The following ADGRV1 variants were observed in gnomAD, a reference collection of about 807,000 sequenced individuals.
ADGRV1 encodes adhesion G protein-coupled receptor V1.
ADGRV1 carries 359 observed loss-of-function variants against 596.2 expected under a neutral mutation model. The observed-to-expected ratio is 0.60, with a 90% CI of 0.55 to 0.66. ADGRV1 has a LOEUF of 0.66. Ranked by LOEUF, ADGRV1 falls within the 30% of genes least tolerant of loss-of-function variation. The probability of loss-of-function intolerance (pLI) is 0.00; values close to 1 mark genes in which losing one functional copy is unlikely to be tolerated. For synonymous variants in ADGRV1, 2,681 were observed against 2,679.2 expected (o/e 1.00, Z -0.02); for missense variants, 7,274 against 7,575.6 (o/e 0.96, Z 1.48).
chr5:91,000,274 G>A lies in ADGRV1; in HGVS notation c.18152+14752G>A, dbSNP rs367668807. ...ATTTTTTAATGGATTCACAATGTCT[G>A]TCTCATGATAGATTTATCAAACATG... is the stretch of plus-strand genomic sequence containing the variant. On this transcript the variant is annotated intron_variant, in intron 85 of 89. Transcript: ENST00000405460. Among the ~76,000 whole-genome samples the A allele has an allele frequency of 1.2e-3, 184 of 152,052 alleles. 1 individual carries two copies. The highest frequency in any genetic ancestry group is 4.3e-3 in the African/African-American group (180 of 41,498).
intron 1 of ADGRV1, among the ~76,000 whole-genome samples, chr5:90,607,963 T>A (rs1423388498): frequency 1.3e-5 from 2 of 152,104 alleles, no homozygotes; most frequent in East Asian, 1.9e-4. Context: ...AGATTTTTTT[T>A]AAAATCAGTA....
chr5:91,079,332 T>C (rs1789133091), intron 86 of ADGRV1, among the ~76,000 whole-genome samples: 1 of 152,182 alleles, frequency 6.6e-6, no homozygotes, highest in Non-Finnish European at 1.5e-5. Context: ...ATTTTGCCAA[T>C]AGTGGTGGGG....
chr5:90,692,017 C>G (rs1323292696), intron 31 of ADGRV1, among the ~76,000 whole-genome samples: 1 of 151,992 alleles, frequency 6.6e-6, no homozygotes, highest in Non-Finnish European at 1.5e-5. Context: ...AGCATTTATT[C>G]TTTAATAGTA....
intron 85 of ADGRV1, among the ~76,000 whole-genome samples, chr5:90,996,906 C>T (rs969260704): frequency 6.6e-6 from 1 of 152,184 alleles, no homozygotes. Flanking sequence ...TCCATGGAAC[C>T]TGTAGTCCCT....
chr5:90,685,816 C>A lies in ADGRV1; in HGVS notation c.6311C>A (p.Thr2104Asn), dbSNP rs1386363836. ...CCACGTCTTGGGCCTAAGGTAGAAA[C>A]TATTGCGCAACTAATTATCATTGCC... ...NSPRLGPKVETIAQLIIIAND... is the reference protein window; with the variant it reads ...NSPRLGPKVENIAQLIIIAND... The change falls in exon 29 of 90, where the codon ACT becomes AAT. Residue 2104 changes from threonine (T) to asparagine (N), a missense_variant. Around this residue, in one of 5 missense-constraint regions of ADGRV1, gnomAD observed 3,643 missense variants for 3,809.2 expected, o/e 0.96. Transcript: ENST00000405460. 2.5e-6 allele frequency: 4 copies of A among 1,611,228 alleles called. No homozygotes were observed. The African/African-American group carries it at 5.3e-5, about 22-fold the overall frequency.
chr5:90,683,945 G>T lies in ADGRV1; in HGVS notation c.6024G>T (p.Met2008Ile), dbSNP rs1397511646. 6.2e-7 allele frequency: 1 copy of T among 1,613,806 alleles called. No homozygotes were observed. Among genetic ancestry groups the T allele is most frequent in the Non-Finnish European group, 8.5e-7 (1 of 1,179,846 alleles). The change falls in exon 28 of 90, where the codon ATG (methionine) becomes ATT (isoleucine). Residue 2008 changes from methionine to isoleucine, a missense_variant. Physicochemically the swap from Met to Ile is conservative, Grantham distance 10 (BLOSUM62 1). Around this residue, in one of 5 missense-constraint regions of ADGRV1, gnomAD observed 3,643 missense variants for 3,809.2 expected, o/e 0.96. Transcript: ENST00000405460. ...CAATAATAAGGTTGAAAGGCCTCAT[G>T]GGAAAAGTCCTTGTCTCATATGCAA... ...TLSIIRLKGLMGKVLVSYATL... is the reference protein window; with the variant it reads ...TLSIIRLKGLIGKVLVSYATL...
chr5:90,971,193 G>A (rs1478084637), intron 84 of ADGRV1, among the ~76,000 whole-genome samples: 2 of 152,206 alleles, frequency 1.3e-5, no homozygotes, highest in Non-Finnish European at 2.9e-5. Context: ...AGAAACATGG[G>A]ACTATGTGAA....
At chr5:90,644,122 T>A in intron 14 of ADGRV1, 139 bp downstream of exon 14, 1 of 594,792 alleles carries the variant, frequency 1.7e-6, no homozygotes, top group Non-Finnish European at 2.8e-6. Flanking sequence ...AAGTTTTTTT[T>A]AGAATCATAT....
At chr5:91,113,215 T>C (rs1174048907) in intron 87 of ADGRV1, among the ~76,000 whole-genome samples, 4 of 152,180 alleles carry the variant, frequency 2.6e-5, no homozygotes, top group Non-Finnish European at 5.9e-5. Context: ...AGGTAACTTC[T>C]ATGGCTGAAA....
chr5:90,701,841 C>G (rs188090323), intron 34 of ADGRV1, among the ~76,000 whole-genome samples: 13 of 151,936 alleles, frequency 8.6e-5, no homozygotes, highest in African/African-American at 2.4e-4. Flanking sequence ...TCTAAACTTG[C>G]AACTGCAATT....
intron 83 of ADGRV1, among the ~76,000 whole-genome samples, chr5:90,887,507 G>A (rs542625626): frequency 6.6e-6 from 1 of 152,176 alleles, no homozygotes; most frequent in Admixed American, 6.5e-5. Context: ...AAAAACCATG[G>A]CTGTTTTCAT....
At chr5:90,896,537 A>C (rs1309585543) in intron 83 of ADGRV1, among the ~76,000 whole-genome samples, 1 of 152,018 alleles carries the variant, frequency 6.6e-6, no homozygotes, top group Non-Finnish European at 1.5e-5. Context: ...AGCCTCCCAA[A>C]GTGCTGGAAC....
At chr5:90,862,951 C>T (rs970744683) in intron 82 of ADGRV1, among the ~76,000 whole-genome samples, 3 of 152,106 alleles carry the variant, frequency 2.0e-5, no homozygotes, top group South Asian at 2.1e-4. Context: ...TGTTTATTAA[C>T]GAGGCATTGA....
chr5:90,863,694 C>CTA, intron 82 of ADGRV1, 63 bp from the exon 83 acceptor site: 1 of 1,224,550 alleles, frequency 8.2e-7, no homozygotes, highest in Non-Finnish European at 1.2e-6. Context: ...AAGATTCTTG[C>CTA]TATGATGCTG....
chr5:90,746,465 T>A (rs1009928980), intron 52 of ADGRV1, among the ~76,000 whole-genome samples: 1 of 152,196 alleles, frequency 6.6e-6, no homozygotes, highest in African/African-American at 2.4e-5. Context: ...AGCTATCATG[T>A]ATCTTTCTCT....
intron 79 of ADGRV1, chr5:90,850,551 AG>A (rs1766383476): frequency 6.6e-6 from 1 of 151,982 alleles, no homozygotes. Context: ...GTGTGTGTGT[AG>A]TCAAGAATAC....
Position 91,153,229 on chromosome 5 carries a change from T to C in ADGRV1, c.18633T>C (p.Pro6211=). 1 of 1,605,070 alleles carries C rather than the reference T, an allele frequency of 6.2e-7. No homozygotes were observed. Among genetic ancestry groups the C allele is most frequent in the Non-Finnish European group, 8.5e-7 (1 of 1,175,584 alleles). ...CATCCCAATCTAAAAAGGTGCCACC[T>C]GACTGGGAGAGAGCATCCTTCCAAC... ...NLIGAMEEVP[P]DWERASFQQG... The change falls in exon 89 of 90, where the codon CCT becomes CCC. Residue 6211 remains proline (P), a synonymous_variant. Transcript: ENST00000405460.
chr5:91,006,034 G>C (rs1465704973), intron 85 of ADGRV1, among the ~76,000 whole-genome samples: 1 of 152,110 alleles, frequency 6.6e-6, no homozygotes, highest in Non-Finnish European at 1.5e-5. Flanking sequence ...TGCCTGCTAA[G>C]CCCTGAGTCT....
chr5:90,563,637 T>A (rs938613219), intron 1 of ADGRV1, among the ~76,000 whole-genome samples: 10 of 152,222 alleles, frequency 6.6e-5, no homozygotes, highest in African/African-American at 2.4e-4. Context: ...TGGGATTAAT[T>A]CAGTTAACAT....
Sources: allele counts gnomAD v4.1 joint callset (sites outside exome capture counted in the v4.1 genomes callset), GRCh38; gene constraint gnomAD v4.1.1; regional missense constraint gnomAD v4.1.1; transcripts MANE v1.5; gene names NCBI Gene and HGNC (gene_info 2026-07-23, HGNC 2026-07-21).